CLASP1: variants seen among roughly 807,000 people sequenced by gnomAD.
The protein encoded by CLASP1 is CLIP-associating protein 1.
Under a neutral mutation model 192.3 loss-of-function variants are expected in CLASP1, and 38 were observed. That is an observed-to-expected ratio of 0.20 (90% CI 0.15 to 0.26). The LOEUF (loss-of-function observed/expected upper bound fraction) is 0.26, where lower values mean the gene tolerates loss of function less well. Among genes scored for constraint, CLASP1 ranks in the 10% least tolerant of loss-of-function variants. The pLI, the probability that CLASP1 is intolerant of heterozygous loss-of-function variation, is 1.00. For missense variants in CLASP1, 1,433 were observed against 1,932.5 expected (o/e 0.74, Z 4.85); for synonymous variants, 691 against 712.8 (o/e 0.97, Z 0.49).
intron 7 of CLASP1, among the ~76,000 whole-genome samples, chr2:121,505,940 C>G (rs539272896): frequency 5.3e-5 from 8 of 152,198 alleles, no homozygotes; most frequent in African/African-American, 1.9e-4. Context: ...TCCATATACT[C>G]AGAGCTTCTA....
At chr2:121,500,947 G>A (rs2150234447) in intron 8 of CLASP1, among the ~76,000 whole-genome samples, 1 of 152,144 alleles carries the variant, frequency 6.6e-6, no homozygotes, top group East Asian at 1.9e-4. Flanking sequence ...GGAATTTGGG[G>A]GCAATATTTA....
intron 32 of CLASP1, 65 bp downstream of exon 33, chr2:121,387,057 G>T: frequency 7.8e-7 from 1 of 1,279,408 alleles, no homozygotes; most frequent in African/African-American, 1.5e-5. Context: ...TCTAGAAATA[G>T]GATGCACAGC....
chr2:121,386,027 A>G (rs180674050), intron 32 of CLASP1, among the ~76,000 whole-genome samples: 2 of 152,340 alleles, frequency 1.3e-5, no homozygotes, highest in East Asian at 3.9e-4. Context: ...GAACAGCAAG[A>G]TAAGATAGCT....
chr2:121,418,614 G>A lies in CLASP1; in HGVS notation c.2320+8C>T, dbSNP rs1210811760. 3 of 1,604,238 alleles carry A rather than the reference G, an allele frequency of 1.9e-6. No individual in the cohort carries two copies. Among genetic ancestry groups the A allele is most frequent in the East Asian group, 2.2e-5 (1 of 44,834 alleles). ...TTTGCTCCTCAGCCAGCACCTACGT[G>A]TACTCACCAAGTGGAGGAAAGCCCC... On this transcript the variant is annotated splice_region_variant and intron_variant, in intron 23 of 39. Coordinates refer to ENST00000263710, the Ensembl canonical transcript of CLASP1.
At chr2:121,614,519 C>A (rs1037140575) in intron 1 of CLASP1, among the ~76,000 whole-genome samples, 10 of 151,890 alleles carry the variant, frequency 6.6e-5, no homozygotes, top group Admixed American at 4.6e-4. Flanking sequence ...AAACAAAAAA[C>A]AAAAACAAAA....
chr2:121,620,176 G>A (rs915613200), intron 1 of CLASP1, among the ~76,000 whole-genome samples: 14 of 150,636 alleles, frequency 9.3e-5, no homozygotes, highest in Admixed American at 2.6e-4. Flanking sequence ...AGCCAAAATC[G>A]TGCCGCTGCA....
chr2:121,455,386 A>G (rs2149828454), intron 14 of CLASP1, among the ~76,000 whole-genome samples: 1 of 152,346 alleles, frequency 6.6e-6, no homozygotes, highest in South Asian at 2.1e-4. Context: ...AATAGCCAAG[A>G]TAGGGAATCA....
chr2:121,366,563 C>A (rs955749065), intron 35 of CLASP1, among the ~76,000 whole-genome samples: 1 of 152,244 alleles, frequency 6.6e-6, no homozygotes, highest in African/African-American at 2.4e-5. Context: ...ACTAGTGTGA[C>A]CACTATCAGT....
At chr2:121,529,737 G>C (rs1443620490) in intron 3 of CLASP1, among the ~76,000 whole-genome samples, 1 of 152,146 alleles carries the variant, frequency 6.6e-6, no homozygotes, top group Non-Finnish European at 1.5e-5. Context: ...TACAATCAAG[G>C]TGAAAATAGT....
chr2:121,623,894 A>T (rs966652941), intron 1 of CLASP1, among the ~76,000 whole-genome samples: 6 of 152,328 alleles, frequency 3.9e-5, no homozygotes, highest in Non-Finnish European at 8.8e-5. Flanking sequence ...TAATTTCAGT[A>T]GTGTCTTTCA....
At chr2:121,457,454 G>GACAC (rs753105912) in intron 14 of CLASP1, among the ~76,000 whole-genome samples, 1,685 of 131,784 alleles carry the variant, frequency 0.013, 35 homozygotes, top group East Asian at 0.11. Flanking sequence ...CTCTCACACA[G>GACAC]ACATACACAC....
chr2:121,618,147 T>C (rs2106071060), intron 1 of CLASP1, among the ~76,000 whole-genome samples: 1 of 152,368 alleles, frequency 6.6e-6, no homozygotes, highest in Middle Eastern at 3.4e-3. Context: ...TACTGTCTGA[T>C]TTCCCAACAG....
At chr2:121,594,312 A>AT (rs1359535696) in intron 2 of CLASP1, among the ~76,000 whole-genome samples, 26 of 151,406 alleles carry the variant, frequency 1.7e-4, no homozygotes, top group African/African-American at 6.1e-4. Context: ...AAAAAAAAAA[A>AT]TTTTCTTGTT....
chr2:121,426,523 GTA>G (rs1559142704), intron 21 of CLASP1, among the ~76,000 whole-genome samples: 1 of 152,114 alleles, frequency 6.6e-6, no homozygotes, highest in African/African-American at 2.4e-5. Context: ...GTGTGTATAT[GTA>G]TGTATAAAAA....
chr2:121,378,139 A>G (rs1488488204), intron 33 of CLASP1, among the ~76,000 whole-genome samples: 1 of 152,204 alleles, frequency 6.6e-6, no homozygotes, highest in Non-Finnish European at 1.5e-5. Flanking sequence ...TCCAATCCAG[A>G]AAACAAATAA....
intron 2 of CLASP1, among the ~76,000 whole-genome samples, chr2:121,601,493 A>G (rs2063782041): frequency 6.6e-6 from 1 of 152,150 alleles, no homozygotes; most frequent in South Asian, 2.1e-4. Context: ...GCTAATCTCG[A>G]ACTCCTGACC....
intron 21 of CLASP1, among the ~76,000 whole-genome samples, chr2:121,425,738 A>C (rs1420726370): frequency 6.6e-6 from 1 of 152,226 alleles, no homozygotes; most frequent in Non-Finnish European, 1.5e-5. Flanking sequence ...AAAAGGGAGT[A>C]GGGGGATAAA....
At chr2:121,401,360 C>A in intron 28 of CLASP1, 149 bp downstream of exon 29, 1 of 597,608 alleles carries the variant, frequency 1.7e-6, no homozygotes, top group East Asian at 2.6e-5. Context: ...TGGGACATGT[C>A]AACAAGTATG....
At chr2:121,522,937 G>T (rs1180043713) in intron 6 of CLASP1, among the ~76,000 whole-genome samples, 1 of 152,228 alleles carries the variant, frequency 6.6e-6, no homozygotes, top group Non-Finnish European at 1.5e-5. Flanking sequence ...CAGATGATGA[G>T]GAGACTACTG....
Sources: gnomAD v4.1 joint callset for allele counts (sites outside exome capture counted in the v4.1 genomes callset) on GRCh38, gnomAD v4.1.1 for gene constraint, MANE v1.5 for transcripts, NCBI Gene and HGNC (gene_info 2026-07-23, HGNC 2026-07-21) for gene names.